The following TRABD2B variants were observed in gnomAD, a reference collection of about 807,000 sequenced individuals.
TRABD2B encodes TraB domain containing 2B.
Under a neutral mutation model 40.1 loss-of-function variants are expected in TRABD2B, and 14 were observed. That is an observed-to-expected ratio of 0.35 (90% CI 0.23 to 0.55). The LOEUF (loss-of-function observed/expected upper bound fraction) is 0.55, where lower values mean the gene tolerates loss of function less well. Among genes scored for constraint, TRABD2B ranks in the 20% least tolerant of loss-of-function variants. TRABD2B has a pLI of 0.90. For missense variants in TRABD2B, 541 were observed against 648.6 expected (o/e 0.83, Z 1.80); for synonymous variants, 263 against 277.0 (o/e 0.95, Z 0.50).
chr1:47,995,898 G>A (rs962318063), intron 1 of TRABD2B, among the ~76,000 whole-genome samples: 1 of 152,198 alleles, frequency 6.6e-6, no homozygotes, highest in African/African-American at 2.4e-5. Context: ...GGGCTAACAG[G>A]CAGCACACCT....
At chr1:47,883,896 C>T in intron 2 of TRABD2B, among the ~76,000 whole-genome samples, 1 of 152,150 alleles carries the variant, frequency 6.6e-6, no homozygotes, top group South Asian at 2.1e-4. Context: ...CTCAACTTTA[C>T]CAAAAGCTCT....
intron 2 of TRABD2B, among the ~76,000 whole-genome samples, chr1:47,803,994 A>G (rs955764000): frequency 1.3e-5 from 2 of 152,192 alleles, no homozygotes; most frequent in Non-Finnish European, 2.9e-5. Context: ...AAGCTCATAA[A>G]ATAGGTGTGC....
chr1:47,776,835 C>T (rs1444273769), intron 5 of TRABD2B, among the ~76,000 whole-genome samples: 1 of 152,190 alleles, frequency 6.6e-6, no homozygotes, highest in Non-Finnish European at 1.5e-5. Flanking sequence ...TCCCCTACCC[C>T]CATGGCAACC....
chr1:47,912,714 GTCACC>G (rs761356258), intron 2 of TRABD2B, among the ~76,000 whole-genome samples: 12 of 152,156 alleles, frequency 7.9e-5, no homozygotes, highest in Non-Finnish European at 1.2e-4. Flanking sequence ...CTTCGTCTCG[GTCACC>G]TCAGGTTGGG....
At chr1:47,913,370 G>A (rs1296749798) in intron 2 of TRABD2B, among the ~76,000 whole-genome samples, 1 of 152,082 alleles carries the variant, frequency 6.6e-6, no homozygotes, top group Non-Finnish European at 1.5e-5. Context: ...TCTGCAAGCG[G>A]GATACTTGGG....
In TRABD2B at chr1:47,763,739, A is replaced by C. The variant is rs1644268954; in HGVS notation, c.*2163T>G. 1 of 152,234 alleles carries C rather than the reference A, an allele frequency of 6.6e-6. No individual in the cohort carries two copies. The highest frequency in any genetic ancestry group is 1.5e-5 in the Non-Finnish European group (1 of 68,066). The allele number at this position is 152,234 out of a possible 1,614,324, so 9.4% of individuals were successfully genotyped here. ...TACGTCTCACGCCATACTCTGCCCCAAACAGAGAGGAATCTGGCCTGTGTG... is the reference window on the plus strand; with the variant it reads ...TACGTCTCACGCCATACTCTGCCCCCAACAGAGAGGAATCTGGCCTGTGTG... On this transcript the variant is annotated 3_prime_UTR_variant, in exon 7 of 7. Transcript: ENST00000606738.
intron 2 of TRABD2B, among the ~76,000 whole-genome samples, chr1:47,927,043 G>T (rs936604465): frequency 6.6e-6 from 1 of 152,218 alleles, no homozygotes; most frequent in Non-Finnish European, 1.5e-5. Context: ...CAAGTTCAAA[G>T]AAAGGATTGA....
chr1:47,761,606 T>A lies in TRABD2B; in HGVS notation c.*4296A>T, dbSNP rs1557544959. On this transcript the variant is annotated 3_prime_UTR_variant, in exon 7 of 7. Coordinates refer to ENST00000606738, the MANE Select transcript of TRABD2B (RefSeq NM_001194986.2). ...TGAATTTCTGGAAAAATAACAATGT[T>A]CATAGAACTTGATCATTGCAGAGCC... is the stretch of plus-strand genomic sequence containing the variant. The A allele has an allele frequency of 6.6e-6, 1 of 152,174 alleles. No individual in the cohort carries two copies. The highest frequency in any genetic ancestry group is 1.5e-5 in the Non-Finnish European group (1 of 68,034). The allele number at this position is 152,174 out of a possible 1,614,324, so 9.4% of individuals were successfully genotyped here.
chr1:47,988,659 C>T (rs1645956123), intron 2 of TRABD2B, among the ~76,000 whole-genome samples: 1 of 152,194 alleles, frequency 6.6e-6, no homozygotes, highest in Non-Finnish European at 1.5e-5. Context: ...CTCCCAACTA[C>T]AGATAACTCA....
intron 6 of TRABD2B, among the ~76,000 whole-genome samples, chr1:47,768,009 C>T (rs1644328238): frequency 6.6e-6 from 1 of 152,238 alleles, no homozygotes; most frequent in Non-Finnish European, 1.5e-5. Context: ...CAAGCATATC[C>T]TGACTCCACA....
intron 4 of TRABD2B, among the ~76,000 whole-genome samples, 195 bp downstream of exon 4, chr1:47,794,391 G>A (rs974092284): frequency 6.6e-6 from 1 of 152,122 alleles, no homozygotes; most frequent in Non-Finnish European, 1.5e-5. Flanking sequence ...CTTTCCCGTG[G>A]GGACCGTTAT....
rs578251227 is a variant in TRABD2B, at chr1:47,838,804, T to C, written c.667-37185A>G. Reference sequence around the variant, plus strand: ...GGGCCACACAGCAGATTCAGCACACTGGGGCCTGACCAAGAAGAGAGGAGG... The same window carrying C: ...GGGCCACACAGCAGATTCAGCACACCGGGGCCTGACCAAGAAGAGAGGAGG... On this transcript the variant is annotated intron_variant, in intron 2 of 6. Coordinates refer to ENST00000606738, the MANE Select transcript of TRABD2B (RefSeq NM_001194986.2). Among the ~76,000 whole-genome samples the C allele has an allele frequency of 7.2e-5, 11 of 152,224 alleles. No homozygotes were observed. The South Asian group carries it at 2.1e-3, about 29-fold the overall frequency.
At chr1:47,777,913 T>C (rs1417269286) in intron 5 of TRABD2B, among the ~76,000 whole-genome samples, 1 of 152,174 alleles carries the variant, frequency 6.6e-6, no homozygotes, top group Non-Finnish European at 1.5e-5. Context: ...TTGGAAGACC[T>C]GGCAGGAATA....
At chr1:47,851,419 T>A in intron 2 of TRABD2B, among the ~76,000 whole-genome samples, 1 of 152,148 alleles carries the variant, frequency 6.6e-6, no homozygotes, top group Non-Finnish European at 1.5e-5. Flanking sequence ...CAAGAATGTA[T>A]GTGAACCTGC....
chr1:47,795,754 A>G lies in TRABD2B; in HGVS notation c.814-994T>C, dbSNP rs539219575. 6.7e-5 allele frequency: 64 copies of G among 960,710 alleles called. No homozygotes were observed. In the South Asian group the frequency reaches 2.8e-3, roughly 43 times the overall value. The allele number at this position is 960,710 out of a possible 1,614,324, so 59.5% of individuals were successfully genotyped here. ...GAGCCACCATCTGCTGCCACCACCA[A>G]CTCCCCATCCCTGCACCACCACTTT... On this transcript the variant is annotated intron_variant, in intron 3 of 6. Coordinates refer to ENST00000606738, the MANE Select transcript of TRABD2B (RefSeq NM_001194986.2).
intron 2 of TRABD2B, among the ~76,000 whole-genome samples, chr1:47,831,180 G>A (rs1043669327): frequency 6.6e-5 from 10 of 152,090 alleles, no homozygotes; most frequent in Non-Finnish European, 2.9e-5. Flanking sequence ...TGGAGACGGG[G>A]GGCAAACTCA....
intron 2 of TRABD2B, among the ~76,000 whole-genome samples, chr1:47,814,640 C>G (rs2124370612): frequency 6.6e-6 from 1 of 152,292 alleles, no homozygotes; most frequent in Admixed American, 6.5e-5. Flanking sequence ...CCACTCCCTT[C>G]CCTTTTAGGA....
intron 2 of TRABD2B, among the ~76,000 whole-genome samples, chr1:47,974,063 C>T (rs1339424131): frequency 6.6e-6 from 1 of 152,142 alleles, no homozygotes; most frequent in Non-Finnish European, 1.5e-5. Flanking sequence ...ATGATCACAC[C>T]ACACCACTGC....
chr1:47,827,959 G>A lies in TRABD2B; in HGVS notation c.667-26340C>T, dbSNP rs188566768. Among the ~76,000 whole-genome samples the A allele has an allele frequency of 2.7e-3, 412 of 152,280 alleles. 2 individuals are homozygous for A. Among genetic ancestry groups the A allele is most frequent in the African/African-American group, 9.1e-3 (378 of 41,560 alleles). ...TAGTCAAGTGAGCTTGGATGCAGGG[G>A]CATAAAGGGGTGGGAGTCCAGCAAG... is the stretch of plus-strand genomic sequence containing the variant. On this transcript the variant is annotated intron_variant, in intron 2 of 6. Transcript: ENST00000606738.
Sources: allele counts gnomAD v4.1 joint callset (sites outside exome capture counted in the v4.1 genomes callset), GRCh38; gene constraint gnomAD v4.1.1; transcripts MANE v1.5; gene names NCBI Gene and HGNC (gene_info 2026-07-23, HGNC 2026-07-21).